Variants in ALKBH3 observed in about 807,000 individuals in gnomAD.
ALKBH3 encodes the protein alpha-ketoglutarate-dependent dioxygenase alkB homolog 3.
In ALKBH3, 51 loss-of-function variants were observed where a neutral mutation model predicts 43.9. That is an observed-to-expected ratio of 1.16 (90% CI 0.93 to 1.47). The LOEUF is 1.47. ALKBH3 is among the 40% of genes most tolerant of loss of function. The pLI, the probability that ALKBH3 is intolerant of heterozygous loss-of-function variation, is 0.00. For missense variants in ALKBH3, 361 were observed against 351.9 expected (o/e 1.03, Z -0.21); for synonymous variants, 102 against 115.2 (o/e 0.89, Z 0.73).
chr11:43,893,127 A>C (rs1394166948), intron 7 of ALKBH3, among the ~76,000 whole-genome samples: 2 of 152,236 alleles, frequency 1.3e-5, no homozygotes, highest in Non-Finnish European at 2.9e-5. Flanking sequence ...TTTGAGGATT[A>C]AATGGGCTGT....
intron 9 of ALKBH3, 78 bp downstream of exon 9, chr11:43,919,214 C>A: frequency 7.8e-7 from 1 of 1,280,702 alleles, no homozygotes; most frequent in Non-Finnish European, 1.1e-6. Context: ...TCTAAGTAGA[C>A]ATGGTGAAAA....
intron 8 of ALKBH3, among the ~76,000 whole-genome samples, chr11:43,913,444 A>G (rs1951957546): frequency 6.6e-6 from 1 of 152,208 alleles, no homozygotes; most frequent in Non-Finnish European, 1.5e-5. Context: ...ATTTATTCAG[A>G]TTACTATCAA....
At chr11:43,888,146 G>T (rs1951759142) in intron 5 of ALKBH3, among the ~76,000 whole-genome samples, 1 of 54,220 alleles carries the variant, frequency 1.8e-5, no homozygotes, top group South Asian at 5.5e-4. Flanking sequence ...AGGCTGGGGT[G>T]CAGTGGCACG....
At chr11:43,886,545 C>T (rs1951747595) in intron 4 of ALKBH3, 61 bp from the exon 5 acceptor site, 1 of 1,544,640 alleles carries the variant, frequency 6.5e-7, no homozygotes, top group African/African-American at 1.4e-5. Flanking sequence ...ATAACTCTTC[C>T]ACTGGGTATA....
chr11:43,919,758 A>G, intron 9 of ALKBH3, 160 bp from the exon 10 acceptor site: 3 of 644,524 alleles, frequency 4.7e-6, no homozygotes, highest in Non-Finnish European at 8.0e-6. Context: ...TTTGTTTCAA[A>G]GAAGGGACCT....
intron 4 of ALKBH3, among the ~76,000 whole-genome samples, chr11:43,885,870 G>A (rs1394173095): frequency 1.3e-5 from 2 of 152,190 alleles, no homozygotes; most frequent in Non-Finnish European, 2.9e-5. Context: ...AATATTATTT[G>A]CCTGGATTAA....
intron 7 of ALKBH3, among the ~76,000 whole-genome samples, chr11:43,893,191 A>C (rs1951796060): frequency 1.3e-5 from 2 of 152,196 alleles, no homozygotes; most frequent in South Asian, 4.1e-4. Context: ...AGATTTCTCA[A>C]CCTCAGTAGT....
In ALKBH3 at chr11:43,904,219, A is replaced by G. The variant is rs572251038; in HGVS notation, c.669+2494A>G. The stretch of plus-strand genomic sequence containing the variant: ...TGGCAAGGGAATCTGCGCTATGACG[A>G]TGGTAGCTGATTTGATTAAAATACT... On this transcript the variant is annotated intron_variant, in intron 8 of 9. Coordinates refer to ENST00000302708, the MANE Select transcript of ALKBH3 (RefSeq NM_139178.4). 4.6e-5 allele frequency among the ~76,000 whole-genome samples: 7 copies of G among 152,356 alleles called. No individual in the cohort carries two copies. In the South Asian group the frequency reaches 1.4e-3, roughly 32 times the overall value.
chr11:43,894,024 A>T (rs1951801859), intron 7 of ALKBH3, among the ~76,000 whole-genome samples: 1 of 152,200 alleles, frequency 6.6e-6, no homozygotes, highest in African/African-American at 2.4e-5. Flanking sequence ...GAATTTTTTA[A>T]AGGTGGATTC....
intron 7 of ALKBH3, among the ~76,000 whole-genome samples, chr11:43,892,924 G>A (rs1219150734): frequency 3.3e-5 from 5 of 152,198 alleles, no homozygotes; most frequent in South Asian, 2.1e-4. Context: ...GCCTTTTCAC[G>A]TAAGGAGATA....
rs528469281 is a variant in ALKBH3 at position 43,891,787 on chromosome 11, C to G, written c.371-254C>G. Among the ~76,000 whole-genome samples, 15 of 152,320 alleles carry G rather than the reference C, an allele frequency of 9.8e-5. No individual in the cohort carries two copies. In the South Asian group the frequency reaches 3.1e-3, roughly 32 times the overall value. ...TTGCCCTCTCTTGTTTATGTCATCA[C>G]TAATACAAGCAAGTCACCCACATTC... On this transcript the variant is annotated intron_variant, in intron 6 of 9. Transcript: ENST00000302708.
At chr11:43,904,281 C>G (rs1416672965) in intron 8 of ALKBH3, among the ~76,000 whole-genome samples, 1 of 152,176 alleles carries the variant, frequency 6.6e-6, no homozygotes, top group East Asian at 1.9e-4. Context: ...GAGATTTTAA[C>G]AAAGTTGCCT....
At chr11:43,882,323 T>C (rs1389833030) in intron 1 of ALKBH3, among the ~76,000 whole-genome samples, 1 of 152,196 alleles carries the variant, frequency 6.6e-6, no homozygotes, top group African/African-American at 2.4e-5. Flanking sequence ...TTATAATAGG[T>C]CCTAATTTTA....
At chr11:43,891,504 T>A (rs11037713) in intron 6 of ALKBH3, among the ~76,000 whole-genome samples, 26,524 of 152,200 alleles carry the variant, frequency 0.17, 2,711 homozygotes, top group South Asian at 0.33. Flanking sequence ...AGAGTAGATC[T>A]ATGGATAACT....
At chr11:43,906,866 T>G (rs1421122335) in intron 8 of ALKBH3, among the ~76,000 whole-genome samples, 1 of 152,242 alleles carries the variant, frequency 6.6e-6, no homozygotes, top group Admixed American at 6.5e-5. Flanking sequence ...TTATTTGTAC[T>G]TATTCCTTTT....
intron 5 of ALKBH3, 28 bp downstream of exon 5, chr11:43,886,681 G>A (rs777496295): frequency 1.1e-5 from 18 of 1,603,858 alleles, no homozygotes; most frequent in Admixed American, 3.3e-5. Flanking sequence ...AGAAGTGACC[G>A]TAATTATCAC....
intron 7 of ALKBH3, chr11:43,897,687 GT>G: frequency 1.2e-6 from 1 of 823,372 alleles, no homozygotes; most frequent in Non-Finnish European, 2.2e-6. Context: ...AGTTGATTAC[GT>G]TTATTTTGTC....
At chr11:43,897,776 C>T (rs1951829812) in intron 7 of ALKBH3, 2 of 812,076 alleles carry the variant, frequency 2.5e-6, no homozygotes, top group East Asian at 2.4e-5. Context: ...ATTGCTATAC[C>T]GTTCACCCTG....
chr11:43,898,351 C>A, intron 7 of ALKBH3: 2 of 707,440 alleles, frequency 2.8e-6, no homozygotes, highest in Non-Finnish European at 5.2e-6. Flanking sequence ...GAGGAAGCAG[C>A]ACCAGGTAGA....
Sources: allele counts gnomAD v4.1 joint callset (sites outside exome capture counted in the v4.1 genomes callset), GRCh38; gene constraint gnomAD v4.1.1; transcripts MANE v1.5; gene names NCBI Gene and HGNC (gene_info 2026-07-23, HGNC 2026-07-21).